Variants in GRAMD2B observed in about 807,000 individuals in gnomAD.
GRAMD2B encodes GRAM domain-containing protein 2B.
GRAMD2B carries 41 observed loss-of-function variants against 59.2 expected under a neutral mutation model. The observed-to-expected ratio is 0.69, with a 90% CI of 0.54 to 0.90. The LOEUF is 0.90. Among genes scored for constraint, GRAMD2B ranks in the 40% least tolerant of loss-of-function variants. The probability of loss-of-function intolerance (pLI) is 0.00; values close to 1 mark genes in which losing one functional copy is unlikely to be tolerated. For synonymous variants in GRAMD2B, 161 were observed against 182.7 expected (o/e 0.88, Z 0.96); for missense variants, 424 against 500.5 (o/e 0.85, Z 1.46).
intron 2 of GRAMD2B, among the ~76,000 whole-genome samples, chr5:126,465,931 C>T (rs1362327853): frequency 2.0e-5 from 3 of 152,110 alleles, no homozygotes; most frequent in Admixed American, 1.3e-4. Flanking sequence ...ATCCCCATCC[C>T]GGGGACCCAC....
chr5:126,480,208 GC>G (rs1346737078), intron 6 of GRAMD2B: 1 of 415,022 alleles, frequency 2.4e-6, no homozygotes, highest in Admixed American at 4.2e-5. Context: ...CCTTCATTTT[GC>G]CCTACATGTA....
chr5:126,362,202 A>G (rs1378921897), intron 1 of GRAMD2B, among the ~76,000 whole-genome samples: 1 of 152,194 alleles, frequency 6.6e-6, no homozygotes, highest in Non-Finnish European at 1.5e-5. Context: ...CTGAAGACCA[A>G]ACGATTTTTT....
chr5:126,367,468 A>G (rs77319858), upstream of GRAMD2B, among the ~76,000 whole-genome samples: 138 of 150,958 alleles, frequency 9.1e-4, 2 homozygotes, highest in East Asian at 0.025. Flanking sequence ...GAGGAGGAGG[A>G]GGAAGTAGAG....
chr5:126,395,329 T>A (rs1757264656), intron 1 of GRAMD2B, among the ~76,000 whole-genome samples: 1 of 152,228 alleles, frequency 6.6e-6, no homozygotes, highest in Admixed American at 6.5e-5. Context: ...TATTTCAAGA[T>A]AAGATCGCTT....
chr5:126,422,586 T>C (rs1381096015), upstream of GRAMD2B, among the ~76,000 whole-genome samples: 1 of 152,234 alleles, frequency 6.6e-6, no homozygotes, highest in Non-Finnish European at 1.5e-5. Context: ...CTTCTTCCAA[T>C]GTGACCCAGG....
chr5:126,463,838 G>A (rs1767804585), intron 1 of GRAMD2B, among the ~76,000 whole-genome samples: 1 of 152,212 alleles, frequency 6.6e-6, no homozygotes, highest in Middle Eastern at 3.4e-3. Context: ...GGCCAACATG[G>A]CAAAACCCCG....
At chr5:126,424,572 C>T (rs1432890372) in intron 1 of GRAMD2B, among the ~76,000 whole-genome samples, 1 of 152,206 alleles carries the variant, frequency 6.6e-6, no homozygotes. Flanking sequence ...TCATAACTTA[C>T]ATTAATTATC....
At chr5:126,429,791 C>G (rs1223721217) in intron 1 of GRAMD2B, among the ~76,000 whole-genome samples, 1 of 152,212 alleles carries the variant, frequency 6.6e-6, no homozygotes, top group Non-Finnish European at 1.5e-5. Context: ...CTGAGCATTT[C>G]TTTGAATCTA....
intron 6 of GRAMD2B, 62 bp downstream of exon 6, chr5:126,477,849 T>TA (rs1466646226): frequency 3.1e-6 from 3 of 961,308 alleles, no homozygotes. Context: ...CTCTGCTGCC[T>TA]AAGGGGTCTC....
At chr5:126,410,004 T>A (rs768462234) in intron 1 of GRAMD2B, among the ~76,000 whole-genome samples, 3,331 of 149,878 alleles carry the variant, frequency 0.022, 58 homozygotes, top group Admixed American at 0.045. Flanking sequence ...GTTGTAGATA[T>A]GCGGCTTTAT....
intron 2 of GRAMD2B, chr5:126,467,660 T>A (rs1768708634): frequency 6.6e-6 from 1 of 152,244 alleles, no homozygotes; most frequent in African/African-American, 2.4e-5. Context: ...AAAGGCAAGT[T>A]GACATTTGTA....
chr5:126,483,823 G>C (rs922912771), intron 9 of GRAMD2B, among the ~76,000 whole-genome samples: 7 of 152,082 alleles, frequency 4.6e-5, no homozygotes, highest in African/African-American at 1.7e-4. Context: ...CCTAACGTTG[G>C]GGTGGTTGAG....
chr5:126,457,760 A>G (rs1766587990), intron 1 of GRAMD2B, among the ~76,000 whole-genome samples: 1 of 42,664 alleles, frequency 2.3e-5, no homozygotes, highest in Non-Finnish European at 1.2e-4. Flanking sequence ...CAGGTTTCTC[A>G]TGGGGGCTTG....
At chr5:126,465,173 C>CAGAT (rs1166641491) in intron 1 of GRAMD2B, 1 of 1,346,134 alleles carries the variant, frequency 7.4e-7, no homozygotes, top group African/African-American at 1.5e-5. Context: ...GCAGCACAGA[C>CAGAT]CTGGGAGCCA....
rs573407209 is a variant in GRAMD2B at position 126,487,398 on chromosome 5, C to T, written c.1163+421C>T. On this transcript the variant is annotated intron_variant, in intron 12 of 13. Coordinates refer to ENST00000285689, the MANE Select transcript of GRAMD2B (RefSeq NM_023927.4). ...TATATTAACTCACTTATTTGCAAAA[C>T]TCTTGACCACTGTCAAGATCAATGT... Among the ~76,000 whole-genome samples the T allele has an allele frequency of 1.8e-4, 28 of 152,280 alleles. 2 individuals carry two copies. In the South Asian group the frequency reaches 5.8e-3, roughly 32 times the overall value.
intron 4 of GRAMD2B, 127 bp downstream of exon 4, chr5:126,472,431 C>T: frequency 1.5e-6 from 1 of 674,260 alleles, no homozygotes. Context: ...AAAGTAATAA[C>T]ATAACAATAA....
intron 1 of GRAMD2B, among the ~76,000 whole-genome samples, chr5:126,389,531 T>A (rs561130289): frequency 2.0e-5 from 3 of 152,238 alleles, no homozygotes; most frequent in African/African-American, 7.2e-5. Context: ...AGCCCCTGAA[T>A]GGTTTTTTTA....
intron 6 of GRAMD2B, among the ~76,000 whole-genome samples, chr5:126,478,004 G>C (rs528334992): frequency 3.9e-5 from 6 of 152,310 alleles, no homozygotes; most frequent in African/African-American, 1.4e-4. Context: ...TCTCATAGAA[G>C]TGTTGCCAAT....
chr5:126,379,433 GC>G (rs1333566250), intron 1 of GRAMD2B, among the ~76,000 whole-genome samples: 2 of 152,164 alleles, frequency 1.3e-5, no homozygotes, highest in African/African-American at 4.8e-5. Flanking sequence ...GAGTGGGACT[GC>G]TGGATCAAAT....
Sources: gnomAD v4.1 joint callset for allele counts (sites outside exome capture counted in the v4.1 genomes callset) on GRCh38, gnomAD v4.1.1 for gene constraint, MANE v1.5 for transcripts, NCBI Gene and HGNC (gene_info 2026-07-23, HGNC 2026-07-21) for gene names.